RELN: variants seen among roughly 807,000 people sequenced by gnomAD.
RELN encodes reelin.
In RELN, 108 loss-of-function variants were observed where a neutral mutation model predicts 427.6. That is an observed-to-expected ratio of 0.25 (90% CI 0.22 to 0.30). The LOEUF is 0.30. RELN is among the 10% of genes least tolerant of loss of function. RELN has a pLI of 1.00. For synonymous variants in RELN, 1,524 were observed against 1,513.4 expected (o/e 1.01, Z -0.16); for missense variants, 3,715 against 4,302.8 (o/e 0.86, Z 3.82).
intron 64 of RELN, 113 bp downstream of exon 64, chr7:103,478,276 A>ATTT: frequency 1.7e-5 from 10 of 573,450 alleles, no homozygotes; most frequent in Admixed American, 3.1e-5. Context: ...GTTTTCATAG[A>ATTT]TTTTTTTTTT....
At chr7:103,727,720 T>A (rs763415234) in intron 7 of RELN, among the ~76,000 whole-genome samples, 7 of 152,172 alleles carry the variant, frequency 4.6e-5, no homozygotes, top group Non-Finnish European at 2.9e-5. Context: ...AATAAAGTGA[T>A]AAAACTGAAC....
At chr7:103,554,106 G>C (rs1040288819) in intron 38 of RELN, among the ~76,000 whole-genome samples, 7 of 149,358 alleles carry the variant, frequency 4.7e-5, no homozygotes, top group Non-Finnish European at 1.0e-4. Context: ...AGGACTGCTT[G>C]GGTCCAGGAG....
rs1791109301 is a variant in RELN, at chr7:103,755,357, C to T, written c.545-2143G>A. On this transcript the variant is annotated intron_variant, in intron 4 of 64. Coordinates refer to ENST00000428762, the MANE Select transcript of RELN (RefSeq NM_005045.4). ...GGCGCAGTGGCTCACGCCTGTAATC[C>T]CAGCACTTTGGGAGGCCGAGACGGG... Among the ~76,000 whole-genome samples, 4 of 151,784 alleles carry T rather than the reference C, an allele frequency of 2.6e-5. No homozygotes were observed. In the South Asian group the frequency reaches 8.3e-4, roughly 32 times the overall value.
At chr7:103,761,732 A>G (rs1210293677) in intron 4 of RELN, among the ~76,000 whole-genome samples, 1 of 152,174 alleles carries the variant, frequency 6.6e-6, no homozygotes, top group East Asian at 1.9e-4. Context: ...CTGGGATTAC[A>G]GGCGTGAGCC....
At chr7:103,741,065 T>C (rs999172522) in intron 6 of RELN, among the ~76,000 whole-genome samples, 1 of 152,224 alleles carries the variant, frequency 6.6e-6, no homozygotes, top group African/African-American at 2.4e-5. Flanking sequence ...ACTGGGTTTC[T>C]GACTCTTTTC....
chr7:103,866,308 A>G (rs17156834), intron 2 of RELN, among the ~76,000 whole-genome samples: 21,914 of 152,062 alleles, frequency 0.14, 1,890 homozygotes, highest in East Asian at 0.34. Flanking sequence ...GTTAAAGTTG[A>G]GAAAAACATA....
chr7:103,769,890 A>C (rs1248004863), intron 4 of RELN, among the ~76,000 whole-genome samples: 1 of 152,188 alleles, frequency 6.6e-6, no homozygotes, highest in African/African-American at 2.4e-5. Context: ...CCTGGCTCTT[A>C]GGAGCGACTG....
intron 20 of RELN, among the ~76,000 whole-genome samples, chr7:103,615,425 C>T (rs966550164): frequency 5.3e-5 from 8 of 152,106 alleles, no homozygotes; most frequent in Admixed American, 2.0e-4. Context: ...TTGATCAGGT[C>T]GGAAGCCTGT....
intron 28 of RELN, among the ~76,000 whole-genome samples, chr7:103,578,663 G>T (rs1831058349): frequency 6.6e-6 from 1 of 152,124 alleles, no homozygotes; most frequent in East Asian, 1.9e-4. Flanking sequence ...CAACCTCAGG[G>T]TTTCTGGAAT....
At chr7:103,491,844 TCTCTCTCTCTCTCACACACACACACACA>T (rs1016488429) in intron 58 of RELN, 81 bp downstream of exon 58, 6 of 628,104 alleles carry the variant, frequency 9.6e-6, no homozygotes, top group African/African-American at 5.0e-5. Flanking sequence ...TCTCTCTCTC[TCTCTCTCTCTCTCACACACACACACACA>T]CACACACACA....
rs1453590332 is a variant in RELN, at chr7:103,654,055, T to G, written c.1554+38A>C. 3.4e-6 allele frequency: 4 copies of G among 1,189,592 alleles called. No individual in the cohort carries two copies. The South Asian group carries it at 4.8e-5, about 14-fold the overall frequency. The allele number at this position is 1,189,592 out of a possible 1,614,324, so 73.7% of individuals were successfully genotyped here. A position where few individuals can be genotyped will look rare whatever the true frequency, so the allele number is the denominator to read the frequency against. On this transcript the variant is annotated intron_variant, in intron 13 of 64. Coordinates refer to ENST00000428762, the MANE Select transcript of RELN (RefSeq NM_005045.4). ...TGACTTGGGCTTGTCCAGGGTGGTC[T>G]GAGGTGGTCTATTTGCCACACAGAC...
chr7:103,917,712 C>CA (rs1484921809), intron 1 of RELN, among the ~76,000 whole-genome samples: 1 of 152,066 alleles, frequency 6.6e-6, no homozygotes, highest in Non-Finnish European at 1.5e-5. Flanking sequence ...TGAAGACAGC[C>CA]AGACTTTTTC....
intron 1 of RELN, among the ~76,000 whole-genome samples, chr7:103,941,536 T>C (rs930061913): frequency 6.6e-6 from 1 of 152,198 alleles, no homozygotes; most frequent in African/African-American, 2.4e-5. Flanking sequence ...TGAAAATTAT[T>C]TTTCATGTAT....
chr7:103,643,961 TCAC>T (rs1832745522), intron 16 of RELN, among the ~76,000 whole-genome samples: 1 of 151,782 alleles, frequency 6.6e-6, no homozygotes, highest in East Asian at 1.9e-4. Context: ...GCCCAGTACA[TCAC>T]TACTACAATC....
intron 1 of RELN, among the ~76,000 whole-genome samples, chr7:103,975,044 A>C (rs905316153): frequency 2.0e-5 from 3 of 152,266 alleles, no homozygotes; most frequent in African/African-American, 4.8e-5. Flanking sequence ...CTCACAGAAG[A>C]CATGAGAATT....
intron 1 of RELN, among the ~76,000 whole-genome samples, chr7:103,952,501 C>T (rs967793451): frequency 1.3e-5 from 2 of 151,668 alleles, no homozygotes; most frequent in East Asian, 3.9e-4. Context: ...TTTTTATAAA[C>T]CTTGCTTTAA....
At chr7:103,696,021 C>T (rs1403040580) in intron 10 of RELN, among the ~76,000 whole-genome samples, 1 of 152,104 alleles carries the variant, frequency 6.6e-6, no homozygotes, top group Admixed American at 6.6e-5. Flanking sequence ...AAGTCATTTC[C>T]ATCAGGAGAG....
intron 1 of RELN, among the ~76,000 whole-genome samples, chr7:103,930,522 G>A (rs1795838833): frequency 6.6e-6 from 1 of 152,042 alleles, no homozygotes. Flanking sequence ...CTGGAGGGCA[G>A]TGGCACAATC....
chr7:103,884,094 A>G (rs917425190), intron 2 of RELN, among the ~76,000 whole-genome samples: 1 of 152,192 alleles, frequency 6.6e-6, no homozygotes. Context: ...ATACAGACCA[A>G]TGGAACTTAA....
Sources: allele counts gnomAD v4.1 joint callset (sites outside exome capture counted in the v4.1 genomes callset), GRCh38; gene constraint gnomAD v4.1.1; transcripts MANE v1.5; gene names NCBI Gene and HGNC (gene_info 2026-07-23, HGNC 2026-07-21).